AGBL3: variants seen among roughly 807,000 people sequenced by gnomAD.
The protein encoded by AGBL3 is AGBL carboxypeptidase 3, also known as cytosolic carboxypeptidase 3.
A neutral mutation model predicts 94.5 loss-of-function variants in AGBL3; 68 were observed. The ratio of observed to expected loss-of-function variants is 0.72; its 90% CI spans 0.59 to 0.88. The LOEUF (loss-of-function observed/expected upper bound fraction) is 0.88. Ranked by LOEUF, AGBL3 falls within the 40% of genes least tolerant of loss-of-function variation. AGBL3 has a pLI of 0.00. For missense variants in AGBL3, 934 were observed against 1,103.8 expected (o/e 0.85, Z 2.18); for synonymous variants, 354 against 370.7 (o/e 0.95, Z 0.52).
intron 16 of AGBL3, among the ~76,000 whole-genome samples, chr7:135,129,894 T>C (rs1828486545): frequency 6.6e-6 from 1 of 152,166 alleles, no homozygotes. Context: ...TGAGAAAAAT[T>C]ATAAGCCAAG....
chr7:135,096,722 GAAGA>G (rs1381130494), intron 15 of AGBL3, among the ~76,000 whole-genome samples: 7 of 74,218 alleles, frequency 9.4e-5, no homozygotes, highest in African/African-American at 1.6e-4. Flanking sequence ...GAAAGAAAGA[GAAGA>G]AAGAAAGAGA....
At chr7:134,986,872 G>T (rs544925971) in intron 1 of AGBL3, among the ~76,000 whole-genome samples, 171 bp downstream of exon 1, 20 of 152,376 alleles carry the variant, frequency 1.3e-4, no homozygotes, top group African/African-American at 4.1e-4. Context: ...GTCGGGACGC[G>T]GCTAAGCGTG....
intron 15 of AGBL3, chr7:135,094,030 C>A (rs911816199): frequency 9.1e-5 from 17 of 185,838 alleles, no homozygotes; most frequent in Admixed American, 2.8e-4. Context: ...GGTACTGGGA[C>A]AACTGGATAT....
intron 12 of AGBL3, among the ~76,000 whole-genome samples, chr7:135,061,368 G>A (rs1390845741): frequency 6.6e-6 from 1 of 152,052 alleles, no homozygotes; most frequent in Non-Finnish European, 1.5e-5. Flanking sequence ...TTCATTGGCT[G>A]TACAAAGGCT....
At chr7:135,019,759 C>A (rs957410240) in intron 5 of AGBL3, among the ~76,000 whole-genome samples, 1 of 152,090 alleles carries the variant, frequency 6.6e-6, no homozygotes, top group Non-Finnish European at 1.5e-5. Context: ...AGAAATAATA[C>A]CACACATCTA....
intron 4 of AGBL3, chr7:135,012,121 T>C (rs1813231745): frequency 6.6e-6 from 1 of 152,188 alleles, no homozygotes. Context: ...ATTGATTTCA[T>C]GAATATACGT....
intron 5 of AGBL3, among the ~76,000 whole-genome samples, chr7:135,028,610 G>T (rs1001033764): frequency 2.0e-5 from 3 of 152,094 alleles, no homozygotes; most frequent in Non-Finnish European, 4.4e-5. Context: ...AAGTTGTGTA[G>T]CCCTCAAACT....
At chr7:135,105,540 G>A (rs1824566377) in intron 15 of AGBL3, among the ~76,000 whole-genome samples, 1 of 152,196 alleles carries the variant, frequency 6.6e-6, no homozygotes, top group Non-Finnish European at 1.5e-5. Flanking sequence ...TCAGATGGTT[G>A]TAGATGTGCA....
rs1418744116 is a variant in AGBL3 at position 135,014,212 on chromosome 7, A to AC, written c.311-2840_311-2839insC. ...CTCTGTCTCTGAAAAAAAAAAAAAA[A>AC]AAAAAAAAAAAAAAACCCGAAATGT... On this transcript the variant is annotated intron_variant, in intron 4 of 16. Transcript: ENST00000436302. Among the ~76,000 whole-genome samples the AC allele has an allele frequency of 9.2e-4, 140 of 151,560 alleles. 4 individuals are homozygous for AC. Among genetic ancestry groups the AC allele is most frequent in the African/African-American group, 3.3e-3 (137 of 41,264 alleles).
chr7:135,057,447 A>G (rs573144251), intron 11 of AGBL3, among the ~76,000 whole-genome samples: 19 of 152,108 alleles, frequency 1.2e-4, no homozygotes, highest in Admixed American at 2.0e-4. Context: ...GCTTGCCATC[A>G]TTTTCATTAG....
chr7:135,013,267 G>C (rs150329981), intron 4 of AGBL3, among the ~76,000 whole-genome samples: 3 of 152,266 alleles, frequency 2.0e-5, no homozygotes, highest in Non-Finnish European at 4.4e-5. Flanking sequence ...CCAAATATTA[G>C]AAAGTAGAGC....
chr7:135,094,359 C>T (rs1822326477), intron 15 of AGBL3: 1 of 456,496 alleles, frequency 2.2e-6, no homozygotes, highest in African/African-American at 2.0e-5. Context: ...TCCAGGGAGT[C>T]ACTGCTGAGA....
chr7:135,048,444 G>A (rs1335306088), intron 11 of AGBL3, among the ~76,000 whole-genome samples: 1 of 146,628 alleles, frequency 6.8e-6, no homozygotes, highest in Non-Finnish European at 1.5e-5. Context: ...ACTTAGAGTA[G>A]TATAGGCATT....
At position 135,034,711 on chromosome 7, in the gene AGBL3, A is replaced by G; in HGVS notation, c.1120A>G (p.Met374Val). 3 of 1,550,826 alleles carry G rather than the reference A, an allele frequency of 1.9e-6. No homozygotes were observed. Among genetic ancestry groups the G allele is most frequent in the Non-Finnish European group, 2.6e-6 (3 of 1,146,554 alleles). ...HPGETNSSWI[M>V]KGFLDYILGN... ...AGGGGAAACCAACAGCTCTTGGATC[A>G]TGAAAGGCTTCCTAGATTATATTTT... The change falls in exon 7 of 17, where the codon ATG (methionine) becomes GTG (valine). Residue 374 changes from methionine (M) to valine (V), a missense_variant. By Grantham distance (21) the Met-to-Val change is conservative (BLOSUM62 1). This residue lies in a region of AGBL3 where 488 missense variants were observed against 563.6 expected (regional missense o/e 0.87). Coordinates refer to ENST00000436302, the MANE Select transcript of AGBL3 (RefSeq NM_178563.4).
chr7:135,087,246 G>A (rs939682254), intron 15 of AGBL3, among the ~76,000 whole-genome samples: 6 of 150,984 alleles, frequency 4.0e-5, no homozygotes, highest in African/African-American at 1.5e-4. Flanking sequence ...GGTTATTCTA[G>A]CTAATGTTTT....
intron 15 of AGBL3, among the ~76,000 whole-genome samples, chr7:135,097,203 C>T (rs1299319983): frequency 1.3e-5 from 2 of 152,066 alleles, no homozygotes; most frequent in Admixed American, 6.6e-5. Flanking sequence ...TAAAATATCC[C>T]GTCGGTCAAC....
intron 16 of AGBL3, among the ~76,000 whole-genome samples, chr7:135,134,422 T>C (rs1304593866): frequency 1.3e-5 from 2 of 152,148 alleles, no homozygotes; most frequent in Non-Finnish European, 2.9e-5. Context: ...CACGTTGATT[T>C]TTTTACTGGT....
intron 5 of AGBL3, 110 bp downstream of exon 5, chr7:135,017,269 CTAAACA>C (rs1424264613): frequency 1.3e-6 from 1 of 774,160 alleles, no homozygotes; most frequent in Non-Finnish European, 2.2e-6. Context: ...TGACCAGTCC[CTAAACA>C]TAAAGATGTT....
At chr7:135,016,599 T>C (rs1218671892) in intron 4 of AGBL3, among the ~76,000 whole-genome samples, 1 of 151,930 alleles carries the variant, frequency 6.6e-6, no homozygotes, top group Non-Finnish European at 1.5e-5. Context: ...GTGGCAGGGG[T>C]AGGGGGACAT....
Sources: allele counts gnomAD v4.1 joint callset (sites outside exome capture counted in the v4.1 genomes callset), GRCh38; gene constraint gnomAD v4.1.1; regional missense constraint gnomAD v4.1.1; transcripts MANE v1.5; gene names NCBI Gene and HGNC (gene_info 2026-07-23, HGNC 2026-07-21).